Variants in FARS2 observed in about 807,000 individuals in gnomAD.
FARS2 encodes phenylalanine--tRNA ligase, mitochondrial.
A neutral mutation model predicts 46.4 loss-of-function variants in FARS2; 40 were observed. That is an observed-to-expected ratio of 0.86 (90% confidence interval 0.67 to 1.12). The LOEUF (loss-of-function observed/expected upper bound fraction) is 1.12, where lower values mean the gene tolerates loss of function less well. FARS2 is among the 50% of genes most tolerant of loss of function. The pLI, the probability that FARS2 is intolerant of heterozygous loss-of-function variation, is 0.00. For synonymous variants in FARS2, 234 were observed against 214.9 expected, an observed-to-expected ratio of 1.09 and a Z score of -0.78; for missense variants, 513 against 567.9, an observed-to-expected ratio of 0.90 and a Z score of 0.98.
intron 2 of FARS2, among the ~76,000 whole-genome samples, chr6:5,391,460 G>A (rs1760510013): frequency 6.6e-6 from 1 of 152,218 alleles, no homozygotes; most frequent in South Asian, 2.1e-4. Flanking sequence ...TGGCAGTGAA[G>A]TGTGTTATAG....
intron 1 of FARS2, among the ~76,000 whole-genome samples, chr6:5,325,310 A>G (rs1009114513): frequency 2.0e-5 from 3 of 152,260 alleles, no homozygotes; most frequent in African/African-American, 7.2e-5. Flanking sequence ...AGCATAGGTA[A>G]GGAAATTGCC....
At chr6:5,729,064 G>T (rs2150933413) in intron 6 of FARS2, among the ~76,000 whole-genome samples, 1 of 152,324 alleles carries the variant, frequency 6.6e-6, no homozygotes, top group Non-Finnish European at 1.5e-5. Context: ...CATCTGCAGT[G>T]CTCACTCATA....
intron 1 of FARS2, chr6:5,290,963 T>A: frequency 6.6e-6 from 1 of 152,272 alleles, no homozygotes; most frequent in Non-Finnish European, 1.5e-5. Flanking sequence ...CAAGTGATCC[T>A]CCCACCTCAG....
At chr6:5,635,024 T>C (rs1776475642) in intron 6 of FARS2, among the ~76,000 whole-genome samples, 1 of 152,214 alleles carries the variant, frequency 6.6e-6, no homozygotes, top group African/African-American at 2.4e-5. Context: ...CCGCCCTGAG[T>C]GCAAGTCTTG....
intron 1 of FARS2, among the ~76,000 whole-genome samples, chr6:5,271,479 C>T (rs1042566407): frequency 1.3e-5 from 2 of 151,442 alleles, no homozygotes; most frequent in East Asian, 1.9e-4. Context: ...TTCACTAGAG[C>T]AATCTTGCCA....
chr6:5,702,749 G>T (rs1758519462), intron 6 of FARS2, among the ~76,000 whole-genome samples: 1 of 152,190 alleles, frequency 6.6e-6, no homozygotes, highest in East Asian at 1.9e-4. Context: ...CTGGTTACTT[G>T]GGTTTTATAG....
At chr6:5,621,645 C>G (rs542518478) in intron 6 of FARS2, among the ~76,000 whole-genome samples, 4 of 152,168 alleles carry the variant, frequency 2.6e-5, no homozygotes, top group Non-Finnish European at 5.9e-5. Flanking sequence ...GTCTGTCTCC[C>G]TTCTAATCCC....
At chr6:5,617,119 A>G (rs1267131146) in intron 6 of FARS2, among the ~76,000 whole-genome samples, 1 of 114,402 alleles carries the variant, frequency 8.7e-6, no homozygotes, top group Admixed American at 9.2e-5. Flanking sequence ...ACACCCCATT[A>G]AAAAAAATCA....
chr6:5,658,432 T>C (rs1446015536), intron 6 of FARS2, among the ~76,000 whole-genome samples: 1 of 152,126 alleles, frequency 6.6e-6, no homozygotes, highest in Admixed American at 6.5e-5. Flanking sequence ...CAAAAACATA[T>C]GGGTACTTCA....
chr6:5,595,431 C>G (rs1774144578), intron 5 of FARS2, among the ~76,000 whole-genome samples: 1 of 152,142 alleles, frequency 6.6e-6, no homozygotes, highest in African/African-American at 2.4e-5. Context: ...TTCCTGTGTC[C>G]CTGGTACCAC....
In FARS2 at chr6:5,410,149, G is replaced by GTTTTTTTTT. The variant is rs1171325752; in HGVS notation, c.772+5455_772+5456insTTTTTTTTT. ...AGAAAAGTGCTTTGTTCGTTTTTGT[G>GTTTTTTTTT]TTTTTTTGTTTTTTTTTTTTTTGAG... is the stretch of plus-strand genomic sequence containing the variant. On this transcript the variant is annotated intron_variant, in intron 3 of 6. Coordinates refer to ENST00000274680, the MANE Select transcript of FARS2 (RefSeq NM_006567.5). Among the ~76,000 whole-genome samples, 13 of 120,540 alleles carry GTTTTTTTTT rather than the reference G, an allele frequency of 1.1e-4. 1 individual carries two copies. Among genetic ancestry groups the GTTTTTTTTT allele is most frequent in the East Asian group, 7.6e-4 (3 of 3,936 alleles). The allele number at this position is 120,540 out of a possible 152,430, so 79.1% of individuals were successfully genotyped here.
At chr6:5,547,559 T>C (rs1340583607) in intron 5 of FARS2, among the ~76,000 whole-genome samples, 1 of 152,226 alleles carries the variant, frequency 6.6e-6, no homozygotes, top group Non-Finnish European at 1.5e-5. Context: ...GATCTAGCCC[T>C]GCAGCAGAGT....
intron 4 of FARS2, among the ~76,000 whole-genome samples, chr6:5,529,506 C>G (rs540253253): frequency 3.9e-5 from 6 of 152,234 alleles, no homozygotes; most frequent in African/African-American, 1.4e-4. Flanking sequence ...CGGGGTTTTA[C>G]CATGTTGGCC....
chr6:5,633,910 A>C (rs542795893), intron 6 of FARS2, among the ~76,000 whole-genome samples: 13 of 152,126 alleles, frequency 8.5e-5, no homozygotes, highest in Admixed American at 8.5e-4. Flanking sequence ...ATACTAGTCC[A>C]TTTTATCTCA....
intron 6 of FARS2, among the ~76,000 whole-genome samples, chr6:5,708,808 A>G (rs1171933311): frequency 1.3e-5 from 2 of 152,096 alleles, no homozygotes; most frequent in African/African-American, 4.8e-5. Flanking sequence ...CTACAGGCAT[A>G]CACCACCACA....
At chr6:5,345,213 C>T (rs1446245800) in intron 1 of FARS2, among the ~76,000 whole-genome samples, 2 of 151,644 alleles carry the variant, frequency 1.3e-5, no homozygotes, top group Admixed American at 1.3e-4. Flanking sequence ...AAAAAAAACG[C>T]CATTATAATT....
At chr6:5,404,731 C>G (rs1761459329) in intron 3 of FARS2, 30 bp downstream of exon 3, 2 of 1,418,534 alleles carry the variant, frequency 1.4e-6, no homozygotes, top group East Asian at 5.0e-5. Context: ...TTGACGATCT[C>G]TTATCTGAAA....
chr6:5,558,930 T>A (rs1401442354), intron 5 of FARS2, among the ~76,000 whole-genome samples: 1 of 152,108 alleles, frequency 6.6e-6, no homozygotes, highest in Non-Finnish European at 1.5e-5. Flanking sequence ...GTTTGAACTC[T>A]TGGGTAACTG....
chr6:5,297,746 T>G (rs914592375), intron 1 of FARS2, among the ~76,000 whole-genome samples: 1 of 152,254 alleles, frequency 6.6e-6, no homozygotes, highest in Non-Finnish European at 1.5e-5. Flanking sequence ...TTTCCTGCCT[T>G]TCCAAATTTA....
Sources: allele counts gnomAD v4.1 joint callset (sites outside exome capture counted in the v4.1 genomes callset), GRCh38; gene constraint gnomAD v4.1.1; transcripts MANE v1.5; gene names NCBI Gene and HGNC (gene_info 2026-07-23, HGNC 2026-07-21).